ARHGAP45: variants seen among roughly 807,000 people sequenced by gnomAD.
ARHGAP45 encodes rho GTPase-activating protein 45.
Under a neutral mutation model 116.1 loss-of-function variants are expected in ARHGAP45, and 56 were observed. The ratio of observed to expected loss-of-function variants is 0.48; its 90% CI spans 0.39 to 0.60. ARHGAP45 has a LOEUF of 0.60. Among genes scored for constraint, ARHGAP45 ranks in the 20% least tolerant of loss-of-function variants. The probability of loss-of-function intolerance (pLI) is 0.00; values close to 1 mark genes in which losing one functional copy is unlikely to be tolerated. For missense variants in ARHGAP45, 1,622 were observed against 1,601.0 expected, an observed-to-expected ratio of 1.01 and a Z score of -0.22; for synonymous variants, 866 against 701.7, an observed-to-expected ratio of 1.23 and a Z score of -3.70.
At chr19:1,076,203 C>T (rs920307202) in intron 10 of ARHGAP45, among the ~76,000 whole-genome samples, 1 of 152,142 alleles carries the variant, frequency 6.6e-6, no homozygotes, top group African/African-American at 2.4e-5. Context: ...GGTCAAGGGG[C>T]GTGCGTGTAT....
chr19:1,079,735 C>G lies in ARHGAP45; in HGVS notation c.1407C>G (p.Cys469Trp), dbSNP rs1199160690. 4.3e-6 allele frequency: 7 copies of G among 1,612,472 alleles called. No individual in the cohort carries two copies. In the African/African-American group the frequency reaches 9.3e-5, roughly 22 times the overall value. Residue 469 changes from cysteine to tryptophan, a missense_variant, in exon 12 of 23, where the codon TGC (cysteine) becomes TGG (tryptophan). Physicochemically the swap from Cys to Trp is radical, Grantham distance 215 (BLOSUM62 -2). Transcript: ENST00000313093. The part of the protein sequence containing the change: ...AEEAMATYRT[C>W]VADAKTQKQE... ...AAGCTATGGCCACCTACCGCACCTG[C>G]GTGGCCGACGCGAAGACGCAGAAGC...
chr19:1,085,679 C>T lies in ARHGAP45; in HGVS notation c.3084C>T (p.Asn1028=), dbSNP rs777364759. The T allele has an allele frequency of 1.3e-5, 20 of 1,584,074 alleles. No homozygotes were observed. Among genetic ancestry groups the T allele is most frequent in the East Asian group, 2.3e-5 (1 of 44,214 alleles). ...TCTTAGAATCCCGAGTTGTGTCCAA[C>T]GATTCGGACTCGGACCTAGAGGAGG... ...DGCRESRVVS[N]DSDSDLEEAS... is the part of the protein sequence containing the mutation. Residue 1028 remains asparagine, a synonymous_variant, in exon 23 of 23, where the codon AAC becomes AAT. Transcript: ENST00000313093.
chr19:1,077,916 C>G lies in ARHGAP45; in HGVS notation c.1245C>G (p.Asp415Glu), dbSNP rs2043302058. 3 of 1,554,208 alleles carry G rather than the reference C, an allele frequency of 1.9e-6. No homozygotes were observed. The African/African-American group carries it at 4.1e-5, about 21-fold the overall frequency. Residue 415 changes from aspartate (D) to glutamate (E), a missense_variant, in exon 11 of 23, where the codon GAC becomes GAG. Transcript: ENST00000313093. ...AKQGYVQRCE[D>E]HDKARFLVAK... ...AGGGTTACGTGCAGCGCTGCGAGGACCACGACAAGGCTCGCTTCCTCGTGG... is the reference window on the plus strand; with the variant it reads ...AGGGTTACGTGCAGCGCTGCGAGGAGCACGACAAGGCTCGCTTCCTCGTGG...
chr19:1,077,675 C>T (rs117187726), intron 10 of ARHGAP45, 182 bp from the exon 11 acceptor site: 85,027 of 1,458,466 alleles, frequency 0.058, 4,577 homozygotes, highest in East Asian at 0.34. Flanking sequence ...CGTGAGCCAC[C>T]GCGCCCGGCC....
Position 1,068,561 on chromosome 19 carries a change from T to A in ARHGAP45, c.238T>A (p.Ser80Thr). 6.2e-7 allele frequency: 1 copy of A among 1,609,808 alleles called. No individual in the cohort carries two copies. Among genetic ancestry groups the A allele is most frequent in the Non-Finnish European group, 8.5e-7 (1 of 1,178,480 alleles). The change falls in exon 2 of 23, where the codon TCG becomes ACG. Residue 80 changes from serine (S) to threonine (T), a missense_variant. Coordinates refer to ENST00000313093, the MANE Select transcript of ARHGAP45 (RefSeq NM_012292.5). The surrounding 1 kb of genome is among the most constrained non-coding windows in gnomAD (Gnocchi z 7.5). ...RHASAAGFPL[S>T]GAASWTLGRS... Reference sequence around the variant, plus strand: ...CGCCAGCGCGGCTGGCTTCCCCCTGTCGGGTGCTGCCTCCTGGACACTGGG... The same window carrying A: ...CGCCAGCGCGGCTGGCTTCCCCCTGACGGGTGCTGCCTCCTGGACACTGGG...
chr19:1,073,916 G>T (rs979890898), intron 5 of ARHGAP45, 32 bp from the exon 6 acceptor site: 10 of 1,534,994 alleles, frequency 6.5e-6, no homozygotes, highest in Non-Finnish European at 8.8e-6. Context: ...GCCCCGCATG[G>T]GGCTGGTCTC....
At chr19:1,077,654 G>A in intron 10 of ARHGAP45, 1 of 1,435,356 alleles carries the variant, frequency 7.0e-7, no homozygotes, top group Non-Finnish European at 9.1e-7. Flanking sequence ...CCAAAGTGCT[G>A]GGATTACAGA....
intron 1 of ARHGAP45, 151 bp downstream of exon 1, chr19:1,067,646 G>A: frequency 1.3e-6 from 1 of 784,298 alleles, no homozygotes; most frequent in Non-Finnish European, 2.2e-6. Flanking sequence ...CCACAGCAGA[G>A]AGGCCGGGAC....
At position 1,084,355 on chromosome 19, in the gene ARHGAP45, G is replaced by T. The variant is rs1329930263; in HGVS notation, c.3064+9G>T. On this transcript the variant is annotated intron_variant, in intron 22 of 22. Coordinates refer to ENST00000313093, the MANE Select transcript of ARHGAP45 (RefSeq NM_012292.5). ...GGCGGACGGGTGCAGAGGTGAGTGTGTGGCTGCCCGAACGGCCCCAAGGGA... is the reference window on the plus strand; with the variant it reads ...GGCGGACGGGTGCAGAGGTGAGTGTTTGGCTGCCCGAACGGCCCCAAGGGA... The T allele has an allele frequency of 2.5e-6, 4 of 1,599,256 alleles. No homozygotes were observed. The highest frequency in any genetic ancestry group is 4.5e-5 in the East Asian group (2 of 44,662).
chr19:1,078,726 A>G, intron 11 of ARHGAP45, among the ~76,000 whole-genome samples: 1 of 146,622 alleles, frequency 6.8e-6, no homozygotes, highest in East Asian at 2.1e-4. Flanking sequence ...TTAAATTATT[A>G]TTATTTTTGA....
At chr19:1,082,818 G>T (rs1431878200) in intron 19 of ARHGAP45, 22 bp from the exon 20 acceptor site, 5 of 1,469,024 alleles carry the variant, frequency 3.4e-6, no homozygotes, top group Non-Finnish European at 4.5e-6. Context: ...ACCAACACCT[G>T]CTGACCCTTG....
chr19:1,082,635 G>A (rs368547303), intron 19 of ARHGAP45: 1 of 556,034 alleles, frequency 1.8e-6, no homozygotes, highest in South Asian at 2.4e-5. Flanking sequence ...GAGAAAGGGA[G>A]TGGAGCTGCG....
rs114430841 is a variant in ARHGAP45, at chr19:1,081,155, G to C, written c.2190+91G>C. ...GGCCTGTGTGCCCTCAGGAATGTCC[G>C]GCCCAGAGCAGGGAGCAGTCGGACG... On this transcript the variant is annotated intron_variant, in intron 17 of 22. Coordinates refer to ENST00000313093, the MANE Select transcript of ARHGAP45 (RefSeq NM_012292.5). 1.4e-3 allele frequency: 1,951 copies of C among 1,398,134 alleles called. 29 individuals are homozygous for C. In the African/African-American group the frequency reaches 0.024, roughly 17 times the overall value. The allele number at this position is 1,398,134 out of a possible 1,614,324, so 86.6% of individuals were successfully genotyped here. A position where few individuals can be genotyped will look rare whatever the true frequency, so the allele number is the denominator to read the frequency against.
chr19:1,084,556 G>C (rs2043544291), intron 22 of ARHGAP45, among the ~76,000 whole-genome samples: 1 of 152,208 alleles, frequency 6.6e-6, no homozygotes. Context: ...GCCTTTTGAG[G>C]TGCCTACCCC....
chr19:1,071,190 C>T lies in ARHGAP45; in HGVS notation c.422-1959C>T. ...CGGGGTTTCCCTCGCGGGGGCGGGG[C>T]CTCCTGACCGGCCGGAGCCGGTTTG... On this transcript the variant is annotated intron_variant, in intron 2 of 22. Transcript: ENST00000313093. The surrounding 1 kb of genome is among the most constrained non-coding windows in gnomAD (Gnocchi z 4.6). 7.3e-7 allele frequency: 1 copy of T among 1,370,802 alleles called. No homozygotes were observed. Among genetic ancestry groups the T allele is most frequent in the South Asian group, 1.5e-5 (1 of 68,168 alleles). 84.9% of individuals were successfully genotyped at this position (1,370,802 alleles called of 1,614,324 possible).
chr19:1,066,209 G>T (rs1322467004), upstream of ARHGAP45: 1 of 1,516,260 alleles, frequency 6.6e-7, no homozygotes, highest in South Asian at 1.2e-5. Flanking sequence ...TGGGGTTTTG[G>T]GATTGGGGGT....
chr19:1,074,900 C>CGGGCGG (rs1410059589), intron 10 of ARHGAP45, 21 bp downstream of exon 10: 1 of 67,438 alleles, frequency 1.5e-5, no homozygotes, highest in Admixed American at 1.8e-4. Flanking sequence ...CGGGCGGGGG[C>CGGGCGG]GGGCGGGGGC....
chr19:1,071,594 G>A lies in ARHGAP45; in HGVS notation c.422-1555G>A, dbSNP rs570528863. The A allele has an allele frequency of 1.5e-3, 253 of 167,914 alleles. 2 individuals carry two copies. Among genetic ancestry groups the A allele is most frequent in the Non-Finnish European group, 2.6e-3 (210 of 81,916 alleles). The allele number at this position is 167,914 out of a possible 1,614,324, so 10.4% of individuals were successfully genotyped here. A position where few individuals can be genotyped will look rare whatever the true frequency, so the allele number is the denominator to read the frequency against. ...GCCGCGCGCGGAGTGCCGGGTGCCCGGCTGGAAGGTCCCGAGAAGGGGCGT... is the reference window on the plus strand; with the variant it reads ...GCCGCGCGCGGAGTGCCGGGTGCCCAGCTGGAAGGTCCCGAGAAGGGGCGT... On this transcript the variant is annotated intron_variant, in intron 2 of 22. Transcript: ENST00000313093. The surrounding 1 kb of genome is among the most constrained non-coding windows in gnomAD (Gnocchi z 4.6).
chr19:1,081,730 C>T lies in ARHGAP45; in HGVS notation c.2371C>T (p.Arg791Cys), dbSNP rs772371817. 4 of 1,564,494 alleles carry T rather than the reference C, an allele frequency of 2.6e-6. No individual in the cohort carries two copies. The highest frequency in any genetic ancestry group is 1.4e-5 in the African/African-American group (1 of 73,888). ...CVCEIERRAL[R>C]TKGIYRVNGV... Reference sequence around the variant, plus strand: ...CTGCGAGATCGAGCGGCGGGCGCTGCGCACCAAGGTGAGGCGGGGGAGGAA... The same window carrying T: ...CTGCGAGATCGAGCGGCGGGCGCTGTGCACCAAGGTGAGGCGGGGGAGGAA... The change falls in exon 18 of 23, where the codon CGC (arginine) becomes TGC (cysteine). Residue 791 changes from arginine (R) to cysteine (C), a missense_variant. Arg to Cys is a radical substitution (Grantham distance 180). Coordinates refer to ENST00000313093, the MANE Select transcript of ARHGAP45 (RefSeq NM_012292.5).
Sources: gnomAD v4.1 joint callset for allele counts (sites outside exome capture counted in the v4.1 genomes callset) on GRCh38, gnomAD v4.1.1 for gene constraint, Gnocchi (gnomAD v3.1) non-coding constraint, MANE v1.5 for transcripts, NCBI Gene and HGNC (gene_info 2026-07-23, HGNC 2026-07-21) for gene names.